C1D: variants seen among roughly 807,000 people sequenced by gnomAD.
C1D encodes the protein C1D nuclear receptor corepressor.
Under a neutral mutation model 17.5 loss-of-function variants are expected in C1D, and 10 were observed. That is an observed-to-expected ratio of 0.57 (90% confidence interval 0.35 to 0.97). The LOEUF (loss-of-function observed/expected upper bound fraction) is 0.97, where lower values mean the gene tolerates loss of function less well. Ranked by LOEUF, C1D falls within the 50% of genes least tolerant of loss-of-function variation. C1D has a pLI of 0.01. For synonymous variants in C1D, 49 were observed against 54.0 expected, an observed-to-expected ratio of 0.91 and a Z score of 0.40; for missense variants, 136 against 160.1, an observed-to-expected ratio of 0.85 and a Z score of 0.81.
chr2:68,044,097 GT>G, intron 4 of C1D, among the ~76,000 whole-genome samples: 1 of 152,276 alleles, frequency 6.6e-6, no homozygotes, highest in South Asian at 2.1e-4. Flanking sequence ...TAAAACTGCA[GT>G]CCTATCCAAG....
At chr2:68,051,685 C>G (rs1290511002) in intron 1 of C1D, among the ~76,000 whole-genome samples, 2 of 151,928 alleles carry the variant, frequency 1.3e-5, no homozygotes, top group African/African-American at 4.8e-5. Flanking sequence ...TCCCTTTGGG[C>G]TTCTCTCCTT....
chr2:68,046,035 C>T lies in C1D; in HGVS notation c.214G>A (p.Ala72Thr). 6.3e-7 allele frequency: 1 copy of T among 1,582,060 alleles called. No individual in the cohort carries two copies. Among genetic ancestry groups the T allele is most frequent in the Admixed American group, 1.8e-5 (1 of 55,190 alleles). Residue 72 changes from alanine to threonine, a missense_variant, in exon 4 of 5, where the codon GCA becomes ACA. Transcript: ENST00000410067. Reference protein sequence around the residue: ...TLNSMFWVYLATQGVNPKEHP... With the variant: ...TLNSMFWVYLTTQGVNPKEHP... ...TCCTTAGGATTAACTCCTTGGGTTG[C>T]CAAATAAACTACAAGAGAAAAATTT...
chr2:68,050,775 T>C (rs984251273), intron 1 of C1D, among the ~76,000 whole-genome samples: 1 of 152,204 alleles, frequency 6.6e-6, no homozygotes, highest in Non-Finnish European at 1.5e-5. Flanking sequence ...GACCTCTCCA[T>C]TGAACTTCAT....
At chr2:68,044,017 G>A (rs1255344274) in intron 4 of C1D, among the ~76,000 whole-genome samples, 1 of 152,002 alleles carries the variant, frequency 6.6e-6, no homozygotes, top group Non-Finnish European at 1.5e-5. Context: ...TTACCCATAC[G>A]GCCACTTCCT....
intron 4 of C1D, among the ~76,000 whole-genome samples, chr2:68,043,314 A>G (rs1671023348): frequency 6.6e-6 from 1 of 152,180 alleles, no homozygotes; most frequent in Non-Finnish European, 1.5e-5. Context: ...ACACTAAGAC[A>G]TTACTCCAGA....
At chr2:68,052,352 A>G (rs1671311962) in intron 1 of C1D, among the ~76,000 whole-genome samples, 1 of 152,212 alleles carries the variant, frequency 6.6e-6, no homozygotes, top group Non-Finnish European at 1.5e-5. Flanking sequence ...TTCATTGTTT[A>G]CATTTCAAAA....
At chr2:68,051,342 G>C (rs555855977) in intron 1 of C1D, among the ~76,000 whole-genome samples, 1 of 152,132 alleles carries the variant, frequency 6.6e-6, no homozygotes, top group South Asian at 2.1e-4. Flanking sequence ...AACATGGCAA[G>C]ACCCCATATC....
At chr2:68,055,414 G>A (rs1279943792) in intron 1 of C1D, among the ~76,000 whole-genome samples, 1 of 151,626 alleles carries the variant, frequency 6.6e-6, no homozygotes, top group Non-Finnish European at 1.5e-5. Context: ...AATATGGAGT[G>A]AGAAATACAG....
intron 1 of C1D, among the ~76,000 whole-genome samples, chr2:68,062,538 G>A (rs1671664677): frequency 6.6e-6 from 1 of 152,172 alleles, no homozygotes; most frequent in African/African-American, 2.4e-5. Flanking sequence ...AGCTAACACA[G>A]TAAAGTTACT....
intron 1 of C1D, among the ~76,000 whole-genome samples, chr2:68,056,344 T>TG: frequency 6.6e-6 from 1 of 152,188 alleles, no homozygotes; most frequent in South Asian, 2.1e-4. Context: ...CCTTGTGATC[T>TG]GCCCACCTCA....
At chr2:68,046,581 A>G in intron 2 of C1D, 171 bp from the exon 3 acceptor site, 1 of 528,412 alleles carries the variant, frequency 1.9e-6, no homozygotes, top group Non-Finnish European at 3.4e-6. Flanking sequence ...AATTTGTAAA[A>G]AGAAGTTTTC....
At chr2:68,056,265 G>C (rs1671434549) in intron 1 of C1D, among the ~76,000 whole-genome samples, 1 of 152,048 alleles carries the variant, frequency 6.6e-6, no homozygotes, top group African/African-American at 2.4e-5. Context: ...ACCATGCCCA[G>C]CTAATTTTTG....
At chr2:68,054,274 GAAC>G (rs1671374207) in intron 1 of C1D, among the ~76,000 whole-genome samples, 6 of 152,160 alleles carry the variant, frequency 3.9e-5, no homozygotes, top group Non-Finnish European at 8.8e-5. Context: ...TTTAGCTGGA[GAAC>G]AGAAGCATCA....
intron 3 of C1D, 32 bp from the exon 4 acceptor site, chr2:68,046,075 G>C (rs769691551): frequency 1.4e-6 from 2 of 1,415,678 alleles, no homozygotes; most frequent in Non-Finnish European, 2.0e-6. Flanking sequence ...GAATAAAATG[G>C]TGAATGTATT....
At chr2:68,052,398 GGC>G (rs1267461879) in intron 1 of C1D, among the ~76,000 whole-genome samples, 63 of 151,066 alleles carry the variant, frequency 4.2e-4, no homozygotes, top group African/African-American at 1.4e-3. Flanking sequence ...AACAAATAAA[GGC>G]ACTTAATAAA....
intron 1 of C1D, among the ~76,000 whole-genome samples, chr2:68,048,175 A>C (rs554558827): frequency 1.3e-5 from 2 of 152,334 alleles, no homozygotes; most frequent in South Asian, 4.1e-4. Flanking sequence ...ATACTCTGAC[A>C]GCCCATGCTT....
At chr2:68,056,868 A>T (rs766183363) in intron 1 of C1D, among the ~76,000 whole-genome samples, 1 of 152,218 alleles carries the variant, frequency 6.6e-6, no homozygotes, top group Non-Finnish European at 1.5e-5. Flanking sequence ...ATGCTTCAAA[A>T]TCACATATGT....
At chr2:68,056,494 A>G (rs895536342) in intron 1 of C1D, among the ~76,000 whole-genome samples, 3 of 152,204 alleles carry the variant, frequency 2.0e-5, no homozygotes, top group African/African-American at 7.2e-5. Flanking sequence ...CAAACACCCA[A>G]GACTAATGTC....
Position 68,046,253 on chromosome 2 carries a change from T to G in C1D, c.205+91A>C, listed in dbSNP as rs1283468810. ...CTATTAAAAGTGTTATAAAGTATAA[T>G]TGTAAATAAATTGTTAGCATTTTAA... On this transcript the variant is annotated intron_variant, in intron 3 of 4. Transcript: ENST00000410067. 1.1e-5 allele frequency: 11 copies of G among 1,039,292 alleles called. No homozygotes were observed. In the African/African-American group the frequency reaches 1.8e-4, roughly 17 times the overall value. 64.4% of individuals were successfully genotyped at this position (1,039,292 alleles called of 1,614,324 possible). A position where few individuals can be genotyped will look rare whatever the true frequency, so the allele number is the denominator to read the frequency against.
Sources: gnomAD v4.1 joint callset for allele counts (sites outside exome capture counted in the v4.1 genomes callset) on GRCh38, gnomAD v4.1.1 for gene constraint, MANE v1.5 for transcripts, NCBI Gene and HGNC (gene_info 2026-07-23, HGNC 2026-07-21) for gene names.